Variants in NLGN1 observed in about 807,000 individuals in gnomAD.
The protein encoded by NLGN1 is neuroligin 1, also known as neuroligin-1.
In NLGN1, 12 loss-of-function variants were observed where a neutral mutation model predicts 65.5. The ratio of observed to expected loss-of-function variants is 0.18; its 90% CI spans 0.12 to 0.30. The LOEUF (loss-of-function observed/expected upper bound fraction) is 0.30, where lower values mean the gene tolerates loss of function less well. Ranked by LOEUF, NLGN1 falls within the 10% of genes least tolerant of loss-of-function variation. NLGN1 has a pLI of 1.00. For synonymous variants in NLGN1, 350 were observed against 359.5 expected, an observed-to-expected ratio of 0.97 and a Z score of 0.30; for missense variants, 750 against 1,007.1, an observed-to-expected ratio of 0.74 and a Z score of 3.46.
chr3:173,854,713 G>A (rs1023378324), intron 4 of NLGN1, among the ~76,000 whole-genome samples: 3 of 151,996 alleles, frequency 2.0e-5, no homozygotes, highest in Non-Finnish European at 4.4e-5. Flanking sequence ...ATATTTATTG[G>A]GGAAAACAGT....
intron 2 of NLGN1, among the ~76,000 whole-genome samples, chr3:173,473,496 G>A (rs1217755961): frequency 6.6e-6 from 1 of 152,060 alleles, no homozygotes; most frequent in Non-Finnish European, 1.5e-5. Context: ...TTCAAATATG[G>A]ACCTTGAAGT....
intron 2 of NLGN1, among the ~76,000 whole-genome samples, chr3:173,598,662 T>G (rs1749922901): frequency 6.6e-6 from 1 of 152,212 alleles, no homozygotes. Flanking sequence ...CATCCTCATT[T>G]ACTCTGTCTT....
intron 3 of NLGN1, among the ~76,000 whole-genome samples, chr3:173,780,485 C>A (rs1170295580): frequency 6.6e-6 from 1 of 152,170 alleles, no homozygotes; most frequent in African/African-American, 2.4e-5. Context: ...GTTTCATGCA[C>A]ACACTTAAAT....
At chr3:173,918,444 G>C (rs550905459) in intron 4 of NLGN1, among the ~76,000 whole-genome samples, 1 of 152,054 alleles carries the variant, frequency 6.6e-6, no homozygotes, top group East Asian at 1.9e-4. Flanking sequence ...AGACCAACCT[G>C]ACCAACATAG....
intron 4 of NLGN1, among the ~76,000 whole-genome samples, chr3:174,181,967 A>C (rs1730511114): frequency 7.9e-6 from 1 of 126,646 alleles, no homozygotes. Context: ...ACAGATTGAG[A>C]CTTGGTGTCA....
At position 174,279,330 on chromosome 3, in the gene NLGN1, G is replaced by A; in HGVS notation, c.1329G>A (p.Trp443Ter). ...CCATTAAGTTCATGTATACTGACTG[G>A]GCTGACCGTCATAACCCTGAAACCA... Residue 443 changes from tryptophan (W) to a stop codon, truncating the protein, a stop_gained, in exon 6 of 7, where the codon TGG (tryptophan) becomes TGA (stop). Transcript: ENST00000457714. LOFTEE classifies it high-confidence loss of function. This position sits in a 1 kb window ranked among gnomAD's most constrained non-coding sequence, Gnocchi z 4.7. The A allele has an allele frequency of 6.2e-7, 1 of 1,613,358 alleles. No individual in the cohort carries two copies. The highest frequency in any genetic ancestry group is 8.5e-7 in the Non-Finnish European group (1 of 1,179,566).
chr3:173,863,870 T>C (rs778823674), intron 4 of NLGN1, among the ~76,000 whole-genome samples: 15 of 152,328 alleles, frequency 9.8e-5, no homozygotes, highest in East Asian at 3.9e-4. Context: ...TTGGCCATCA[T>C]TGAGCTTTCA....
intron 3 of NLGN1, among the ~76,000 whole-genome samples, chr3:173,618,438 C>T (rs1326083583): frequency 6.6e-6 from 1 of 152,126 alleles, no homozygotes; most frequent in Admixed American, 6.5e-5. Flanking sequence ...TGCAAGCGAT[C>T]CTCCTTCCTC....
intron 4 of NLGN1, among the ~76,000 whole-genome samples, chr3:173,808,305 T>C (rs542291048): frequency 6.6e-6 from 1 of 152,136 alleles, no homozygotes; most frequent in Non-Finnish European, 1.5e-5. Flanking sequence ...CCATAATAAT[T>C]AGTAATATTT....
In NLGN1 at chr3:173,638,191, A is replaced by G. The variant is rs141929699; in HGVS notation, c.493+33100A>G. 1.5e-3 allele frequency among the ~76,000 whole-genome samples: 217 copies of G among 144,766 alleles called. No homozygotes were observed. In the East Asian group the frequency reaches 0.026, roughly 17 times the overall value. The allele number at this position is 144,766 out of a possible 152,430, so 95.0% of individuals were successfully genotyped here. ...ATAAATAGGGGAATGCATTTGTTAG[A>G]TTTTTTTTTTTTATGTAGCCATAAA... is the stretch of plus-strand genomic sequence containing the variant. On this transcript the variant is annotated intron_variant, in intron 3 of 6. Transcript: ENST00000457714.
chr3:174,169,316 T>C (rs2152731080), intron 4 of NLGN1, among the ~76,000 whole-genome samples: 1 of 152,192 alleles, frequency 6.6e-6, no homozygotes, highest in South Asian at 2.1e-4. Context: ...AGAGAGGACC[T>C]TGATGCACCA....
intron 2 of NLGN1, among the ~76,000 whole-genome samples, chr3:173,453,077 G>A (rs370541710): frequency 2.6e-5 from 4 of 151,976 alleles, no homozygotes; most frequent in African/African-American, 9.7e-5. Flanking sequence ...AGATTAGGGT[G>A]GCTATGTAAT....
At chr3:173,879,632 C>CT (rs1732836177) in intron 4 of NLGN1, among the ~76,000 whole-genome samples, 1 of 144,352 alleles carries the variant, frequency 6.9e-6, no homozygotes, top group African/African-American at 2.5e-5. Flanking sequence ...TGACTTTTTT[C>CT]TGTGTGTTTT....
At chr3:174,215,534 G>A (rs1737432233) in intron 4 of NLGN1, among the ~76,000 whole-genome samples, 2 of 152,134 alleles carry the variant, frequency 1.3e-5, no homozygotes, top group Admixed American at 6.5e-5. Flanking sequence ...TAATCCAGCA[G>A]GAGGGAAAGT....
chr3:173,942,124 G>GTGTGTGTGTA (rs1377607199), intron 4 of NLGN1, among the ~76,000 whole-genome samples: 4 of 143,978 alleles, frequency 2.8e-5, no homozygotes, highest in African/African-American at 1.0e-4. Flanking sequence ...GTGTGTGTGT[G>GTGTGTGTGTA]TGTGTGTGTG....
intron 4 of NLGN1, among the ~76,000 whole-genome samples, chr3:174,020,585 G>C (rs1727556366): frequency 6.6e-6 from 1 of 152,056 alleles, no homozygotes; most frequent in African/African-American, 2.4e-5. Flanking sequence ...TTTAGTAACA[G>C]GTTGAGGATG....
intron 2 of NLGN1, among the ~76,000 whole-genome samples, chr3:173,496,142 A>T (rs1458872245): frequency 6.6e-6 from 1 of 151,512 alleles, no homozygotes; most frequent in Admixed American, 6.6e-5. Context: ...ACAAGATTCC[A>T]TCTCCTTCAT....
At chr3:173,851,666 C>T (rs1726941496) in intron 4 of NLGN1, among the ~76,000 whole-genome samples, 1 of 152,010 alleles carries the variant, frequency 6.6e-6, no homozygotes, top group African/African-American at 2.4e-5. Context: ...TCCCCTTGAC[C>T]TTCTTGGGTC....
intron 4 of NLGN1, among the ~76,000 whole-genome samples, chr3:173,961,665 C>T (rs551702837): frequency 2.6e-5 from 4 of 152,058 alleles, no homozygotes; most frequent in Non-Finnish European, 4.4e-5. Context: ...ACAGAAGACT[C>T]AGGGTACCTC....
Sources: allele counts gnomAD v4.1 joint callset (sites outside exome capture counted in the v4.1 genomes callset), GRCh38; gene constraint gnomAD v4.1.1; non-coding constraint Gnocchi (gnomAD v3.1); transcripts MANE v1.5; gene names NCBI Gene and HGNC (gene_info 2026-07-23, HGNC 2026-07-21).